Variants in PPP4R3A observed in about 807,000 individuals in gnomAD.
PPP4R3A encodes the protein serine/threonine-protein phosphatase 4 regulatory subunit 3A.
In PPP4R3A, 15 loss-of-function variants were observed where a neutral mutation model predicts 91.7. The observed-to-expected ratio is 0.16, with a 90% CI of 0.11 to 0.25. The LOEUF (loss-of-function observed/expected upper bound fraction) is 0.25. Ranked by LOEUF, PPP4R3A falls within the 10% of genes least tolerant of loss-of-function variation. The pLI is 1.00. For synonymous variants in PPP4R3A, 377 were observed against 348.7 expected (o/e 1.08, Z -0.91); for missense variants, 623 against 998.4 (o/e 0.62, Z 5.07).
Position 91,459,005 on chromosome 14 carries a change from A to G in PPP4R3A, c.2392-136T>C, listed in dbSNP as rs960107100. On this transcript the variant is annotated intron_variant, in intron 14 of 14. Transcript: ENST00000554943. Reference sequence around the variant, plus strand: ...ATTTCTGGGTGGTGGGACTGTGTTAAACTTCAATTCATTATGTTTACATAT... The same window carrying G: ...ATTTCTGGGTGGTGGGACTGTGTTAGACTTCAATTCATTATGTTTACATAT... The G allele has an allele frequency of 4.2e-6, 4 of 949,522 alleles. No individual in the cohort carries two copies. In the East Asian group the frequency reaches 1.1e-4, roughly 25 times the overall value. The allele number at this position is 949,522 out of a possible 1,614,324, so 58.8% of individuals were successfully genotyped here.
chr14:91,460,810 G>A (rs537380036), intron 14 of PPP4R3A, among the ~76,000 whole-genome samples: 98 of 151,864 alleles, frequency 6.5e-4, no homozygotes, highest in Non-Finnish European at 1.2e-3. Flanking sequence ...TAGTAGAAAC[G>A]GGGTTTCACC....
chr14:91,465,474 A>C, intron 10 of PPP4R3A, 55 bp from the exon 11 acceptor site: 1 of 1,423,338 alleles, frequency 7.0e-7, no homozygotes, highest in Non-Finnish European at 9.3e-7. Context: ...CATACTTTAG[A>C]CTTACCAAAC....
intron 1 of PPP4R3A, among the ~76,000 whole-genome samples, chr14:91,505,775 AT>A: frequency 6.6e-6 from 1 of 152,046 alleles, no homozygotes; most frequent in African/African-American, 2.4e-5. Context: ...TATTGGACAA[AT>A]GACTCAATTT....
intron 2 of PPP4R3A, among the ~76,000 whole-genome samples, chr14:91,489,221 G>C (rs1158686187): frequency 6.6e-6 from 1 of 152,092 alleles, no homozygotes; most frequent in Non-Finnish European, 1.5e-5. Context: ...CTACTTCTTA[G>C]TGATGAAAAC....
At position 91,495,302 on chromosome 14, in the gene PPP4R3A, A is replaced by ATG. The variant is rs60663799; in HGVS notation, c.143-4502_143-4501dup. 4.3e-3 allele frequency among the ~76,000 whole-genome samples: 612 copies of ATG among 140,952 alleles called. 2 individuals carry two copies. The highest frequency in any genetic ancestry group is 0.022 in the Middle Eastern group (6 of 276). 92.5% of individuals were successfully genotyped at this position (140,952 alleles called of 152,430 possible). ...AAAATACCACATGTCCAGATACATA[A>ATG]TGTGTGTGTGTGTGTGTGTGTGTAT... is the stretch of plus-strand genomic sequence containing the variant. On this transcript the variant is annotated intron_variant, in intron 1 of 14. Transcript: ENST00000554943.
intron 1 of PPP4R3A, among the ~76,000 whole-genome samples, chr14:91,491,831 C>T (rs1203399800): frequency 6.6e-6 from 1 of 152,202 alleles, no homozygotes; most frequent in Non-Finnish European, 1.5e-5. Context: ...CTGCAACCTC[C>T]ACCTTCTGGG....
chr14:91,486,293 A>C (rs1889875176), intron 2 of PPP4R3A, among the ~76,000 whole-genome samples: 1 of 150,832 alleles, frequency 6.6e-6, no homozygotes, highest in Admixed American at 6.6e-5. Flanking sequence ...TTCAAGAAGC[A>C]GCAAACTCCT....
rs1888404917 is a variant in PPP4R3A at position 91,465,232 on chromosome 14, TAAA to T, written c.1830+15_1830+17del. The stretch of plus-strand genomic sequence containing the variant: ...AAACAATTAAAATGAAAATTCTAAT[TAAA>T]AATACAGAACCTACCACTCTAATAA... On this transcript the variant is annotated intron_variant, in intron 11 of 14. Coordinates refer to ENST00000554943, the MANE Select transcript of PPP4R3A (RefSeq NM_001366432.2). 1.4e-6 allele frequency: 2 copies of T among 1,473,338 alleles called. No homozygotes were observed. The highest frequency in any genetic ancestry group is 4.8e-5 in the East Asian group (2 of 41,238). The allele number at this position is 1,473,338 out of a possible 1,614,324, so 91.3% of individuals were successfully genotyped here. A position where few individuals can be genotyped will look rare whatever the true frequency, so the allele number is the denominator to read the frequency against.
intron 1 of PPP4R3A, among the ~76,000 whole-genome samples, chr14:91,504,533 C>T (rs936630690): frequency 2.0e-5 from 3 of 150,108 alleles, no homozygotes; most frequent in South Asian, 2.1e-4. Flanking sequence ...ACCCGGGAAG[C>T]GGAGGTTGCA....
intron 14 of PPP4R3A, among the ~76,000 whole-genome samples, chr14:91,460,562 TGGCATAA>T (rs1452862462): frequency 3.3e-5 from 5 of 151,942 alleles, no homozygotes; most frequent in African/African-American, 1.2e-4. Flanking sequence ...AAAGGGTGGT[TGGCATAA>T]GGAGCCCCCA....
chr14:91,500,044 GA>G (rs1178049983), intron 1 of PPP4R3A, among the ~76,000 whole-genome samples: 1 of 152,054 alleles, frequency 6.6e-6, no homozygotes, highest in Admixed American at 6.6e-5. Flanking sequence ...TTTTTAAAAG[GA>G]AAGGTTTTGC....
chr14:91,474,932 C>T (rs950629974), intron 7 of PPP4R3A: 2 of 152,158 alleles, frequency 1.3e-5, no homozygotes, highest in African/African-American at 4.8e-5. Context: ...AAAACTTAAA[C>T]ATAGCAGTTA....
intron 11 of PPP4R3A, 95 bp from the exon 12 acceptor site, chr14:91,462,972 TTAATTTAA>T (rs1888251470): frequency 2.1e-6 from 2 of 970,938 alleles, no homozygotes; most frequent in Non-Finnish European, 3.1e-6. Flanking sequence ...CAAAAATAGC[TTAATTTAA>T]TAAAACTACA....
At position 91,458,486 on chromosome 14, in the gene PPP4R3A, G is replaced by C. The variant is rs1167483133; in HGVS notation, c.*273C>G. 3 of 489,376 alleles carry C rather than the reference G, an allele frequency of 6.1e-6. No homozygotes were observed. Among genetic ancestry groups the C allele is most frequent in the Non-Finnish European group, 1.1e-5 (3 of 268,370 alleles). 30.3% of individuals were successfully genotyped at this position (489,376 alleles called of 1,614,324 possible). ...GTTCCACTTACAAAACCCCTGCCCT[G>C]TTGGCTTTTTGTTTCCATTTCCTTC... On this transcript the variant is annotated 3_prime_UTR_variant, in exon 15 of 15. Coordinates refer to ENST00000554943, the MANE Select transcript of PPP4R3A (RefSeq NM_001366432.2).
intron 1 of PPP4R3A, among the ~76,000 whole-genome samples, chr14:91,493,073 T>C (rs1053829534): frequency 2.6e-5 from 4 of 151,632 alleles, no homozygotes; most frequent in African/African-American, 4.8e-5. Flanking sequence ...AAACATAAAA[T>C]AACAATAAAA....
chr14:91,472,311 T>C (rs76420043), intron 9 of PPP4R3A, among the ~76,000 whole-genome samples: 3,666 of 152,226 alleles, frequency 0.024, 140 homozygotes, highest in African/African-American at 0.082. Context: ...GTACAAATAA[T>C]TTAAAATGAA....
intron 1 of PPP4R3A, among the ~76,000 whole-genome samples, chr14:91,505,337 C>G (rs1239913127): frequency 6.6e-6 from 1 of 151,864 alleles, no homozygotes; most frequent in Non-Finnish European, 1.5e-5. Flanking sequence ...CCTGTAATCC[C>G]AGGCTTGAGG....
chr14:91,470,400 C>T (rs1888763318), intron 10 of PPP4R3A, among the ~76,000 whole-genome samples: 1 of 152,150 alleles, frequency 6.6e-6, no homozygotes, highest in Non-Finnish European at 1.5e-5. Flanking sequence ...AAAGGTCCAC[C>T]TAGTACATAT....
Position 91,458,622 on chromosome 14 carries a change from G to A in PPP4R3A, c.*137C>T, listed in dbSNP as rs539071408. 4 of 1,255,680 alleles carry A rather than the reference G, an allele frequency of 3.2e-6. No homozygotes were observed. In the African/African-American group the frequency reaches 5.9e-5, roughly 18 times the overall value. The allele number at this position is 1,255,680 out of a possible 1,614,324, so 77.8% of individuals were successfully genotyped here. ...GCTCCATTGAATTGGCACTTGATGA[G>A]CAGAAGTCAAGTGTAAGAGGCTGAT... is the stretch of plus-strand genomic sequence containing the variant. On this transcript the variant is annotated 3_prime_UTR_variant, in exon 15 of 15. Transcript: ENST00000554943.
Sources: gnomAD v4.1 joint callset for allele counts (sites outside exome capture counted in the v4.1 genomes callset) on GRCh38, gnomAD v4.1.1 for gene constraint, MANE v1.5 for transcripts, NCBI Gene and HGNC (gene_info 2026-07-23, HGNC 2026-07-21) for gene names.